MTSS1: variants seen among roughly 807,000 people sequenced by gnomAD.
MTSS1 encodes MTSS I-BAR domain containing 1.
In MTSS1, 18 loss-of-function variants were observed where a neutral mutation model predicts 79.0. The observed-to-expected ratio is 0.23, with a 90% CI of 0.16 to 0.34. The LOEUF is 0.34. MTSS1 is among the 10% of genes least tolerant of loss of function. The probability of loss-of-function intolerance (pLI) is 1.00; values close to 1 mark genes in which losing one functional copy is unlikely to be tolerated. For synonymous variants in MTSS1, 341 were observed against 368.6 expected, an observed-to-expected ratio of 0.93 and a Z score of 0.86; for missense variants, 815 against 986.2, an observed-to-expected ratio of 0.83 and a Z score of 2.33.
intron 6 of MTSS1, among the ~76,000 whole-genome samples, chr8:124,578,062 G>A (rs1829313449): frequency 6.6e-6 from 1 of 152,190 alleles, no homozygotes; most frequent in Non-Finnish European, 1.5e-5. Context: ...TCCAAGAAAG[G>A]AAGAATGACG....
intron 3 of MTSS1, among the ~76,000 whole-genome samples, chr8:124,633,771 C>CA (rs113893066): frequency 4.3e-3 from 586 of 136,694 alleles, no homozygotes; most frequent in African/African-American, 9.0e-3. Flanking sequence ...GATCCTGTCT[C>CA]AAAAAAAAAA....
At chr8:124,677,723 T>A (rs1825536652) in intron 3 of MTSS1, among the ~76,000 whole-genome samples, 1 of 152,120 alleles carries the variant, frequency 6.6e-6, no homozygotes, top group Non-Finnish European at 1.5e-5. Context: ...AAGTTCTGCA[T>A]AAACCGGAAA....
chr8:124,710,427 C>A (rs1830992327), intron 1 of MTSS1, among the ~76,000 whole-genome samples: 1 of 115,010 alleles, frequency 8.7e-6, no homozygotes, highest in Non-Finnish European at 1.8e-5. Context: ...TGGTGGCCAC[C>A]TAAACAAATC....
chr8:124,723,911 T>C (rs536061803), intron 1 of MTSS1, among the ~76,000 whole-genome samples: 73 of 152,288 alleles, frequency 4.8e-4, no homozygotes, highest in African/African-American at 1.7e-3. Flanking sequence ...AACTTTTTTT[T>C]TGAGGCCTCC....
chr8:124,609,222 G>C (rs1282640338), intron 3 of MTSS1, among the ~76,000 whole-genome samples: 2 of 152,130 alleles, frequency 1.3e-5, no homozygotes, highest in Admixed American at 1.3e-4. Context: ...TCTGCTGCTG[G>C]GACAGTCTCC....
At chr8:124,711,454 T>C (rs1831148098) in intron 1 of MTSS1, among the ~76,000 whole-genome samples, 1 of 152,108 alleles carries the variant, frequency 6.6e-6, no homozygotes, top group African/African-American at 2.4e-5. Flanking sequence ...GCAGCCCAAG[T>C]GTTCCCTGAT....
chr8:124,675,418 G>T (rs1233140556), intron 3 of MTSS1, among the ~76,000 whole-genome samples: 3 of 152,186 alleles, frequency 2.0e-5, no homozygotes, highest in African/African-American at 7.2e-5. Context: ...GTACATCCAG[G>T]CTGACAGGTC....
intron 5 of MTSS1, among the ~76,000 whole-genome samples, chr8:124,586,613 G>A (rs1050611043): frequency 2.0e-5 from 3 of 152,172 alleles, no homozygotes; most frequent in Non-Finnish European, 2.9e-5. Context: ...GTTGCGTGTG[G>A]CTGCTACTCG....
chr8:124,692,994 A>G (rs1045510843), intron 3 of MTSS1, among the ~76,000 whole-genome samples: 2 of 152,110 alleles, frequency 1.3e-5, no homozygotes, highest in Admixed American at 1.3e-4. Flanking sequence ...TGACCCCAGC[A>G]TGTCCCCCGA....
At chr8:124,698,373 C>T (rs964142185) in intron 3 of MTSS1, among the ~76,000 whole-genome samples, 2 of 152,024 alleles carry the variant, frequency 1.3e-5, no homozygotes, top group East Asian at 3.9e-4. Context: ...GCCAGTACAA[C>T]AAGAAGACCC....
chr8:124,630,528 C>T lies in MTSS1; in HGVS notation c.209-39293G>A, dbSNP rs78298136. Among the ~76,000 whole-genome samples the T allele has an allele frequency of 8.5e-4, 130 of 152,324 alleles. 1 individual carries two copies. The highest frequency in any genetic ancestry group is 2.7e-3 in the African/African-American group (114 of 41,562). ...AGCACTGCCTGACCCACTGCATCAC[C>T]GCCCACATTTTTAACAAGGCTCCAG... On this transcript the variant is annotated intron_variant, in intron 3 of 13. Transcript: ENST00000518547.
intron 11 of MTSS1, among the ~76,000 whole-genome samples, chr8:124,556,760 G>A (rs1823907913): frequency 6.6e-6 from 1 of 152,344 alleles, no homozygotes; most frequent in Non-Finnish European, 1.5e-5. Context: ...AGGGACCAGC[G>A]CTCCTTAACA....
chr8:124,568,065 G>A, intron 7 of MTSS1: 2 of 936,340 alleles, frequency 2.1e-6, no homozygotes, highest in South Asian at 2.6e-5. Context: ...TCTGGGTTGG[G>A]CCCAAGAACT....
rs1403636954 is a variant in MTSS1 at position 124,685,483 on chromosome 8, A to G, written c.208+14043T>C. On this transcript the variant is annotated intron_variant, in intron 3 of 13. Transcript: ENST00000518547. ...AGCCCAGATTCTGGGCAGAGCTCTC[A>G]GCGGGGATCCTAAGCCCCTCAAGGA... Among the ~76,000 whole-genome samples, 3 of 152,218 alleles carry G rather than the reference A, an allele frequency of 2.0e-5. No individual in the cohort carries two copies. The East Asian group carries it at 5.8e-4, about 29-fold the overall frequency.
At chr8:124,672,175 T>C (rs189935054) in intron 3 of MTSS1, among the ~76,000 whole-genome samples, 2 of 152,316 alleles carry the variant, frequency 1.3e-5, no homozygotes, top group African/African-American at 4.8e-5. Context: ...GTTAACACAT[T>C]AATATTATTT....
chr8:124,700,617 C>T (rs1249340933), intron 2 of MTSS1, among the ~76,000 whole-genome samples: 1 of 152,192 alleles, frequency 6.6e-6, no homozygotes, highest in African/African-American at 2.4e-5. Context: ...ACTATAGTCA[C>T]TTATGTCCTA....
chr8:124,562,294 A>G (rs1825507684), intron 10 of MTSS1, among the ~76,000 whole-genome samples: 1 of 152,204 alleles, frequency 6.6e-6, no homozygotes, highest in Admixed American at 6.5e-5. Flanking sequence ...TATGTGCAGA[A>G]GCTCTGATGA....
chr8:124,571,119 G>A (rs941096856), intron 6 of MTSS1, among the ~76,000 whole-genome samples: 33 of 152,278 alleles, frequency 2.2e-4, no homozygotes, highest in Middle Eastern at 3.4e-3. Flanking sequence ...CTGGCCACCT[G>A]AGCCACTGGT....
chr8:124,616,672 C>G (rs1042179201), intron 3 of MTSS1, among the ~76,000 whole-genome samples: 2 of 152,174 alleles, frequency 1.3e-5, no homozygotes, highest in Admixed American at 1.3e-4. Context: ...TCAGCAACTT[C>G]CCTGTCTGAT....
Sources: allele counts gnomAD v4.1 joint callset (sites outside exome capture counted in the v4.1 genomes callset), GRCh38; gene constraint gnomAD v4.1.1; transcripts MANE v1.5; gene names NCBI Gene and HGNC (gene_info 2026-07-23, HGNC 2026-07-21).